The following PLAAT5 variants were observed in gnomAD, a reference collection of about 807,000 sequenced individuals.
The protein encoded by PLAAT5 is Ca(2+)-independent N-acyltransferase.
Under a neutral mutation model 27.8 loss-of-function variants are expected in PLAAT5, and 27 were observed. The observed-to-expected ratio is 0.97, with a 90% CI of 0.72 to 1.34. The LOEUF is 1.34. Among genes scored for constraint, PLAAT5 ranks in the 40% most tolerant of loss-of-function variants. PLAAT5 has a pLI of 0.00. For missense variants in PLAAT5, 368 were observed against 343.8 expected (o/e 1.07, Z -0.56); for synonymous variants, 125 against 136.1 (o/e 0.92, Z 0.57).
chr11:63,486,539 C>A (rs1383699980), intron 3 of PLAAT5, among the ~76,000 whole-genome samples: 1 of 152,080 alleles, frequency 6.6e-6, no homozygotes, highest in Non-Finnish European at 1.5e-5. Flanking sequence ...GACCATTATT[C>A]TAAGTGAAGT....
At chr11:63,471,671 A>G (rs1227141391) in intron 3 of PLAAT5, among the ~76,000 whole-genome samples, 7 of 152,256 alleles carry the variant, frequency 4.6e-5, no homozygotes, top group African/African-American at 1.7e-4. Context: ...ATTCTTCTAC[A>G]TGACAGTGAG....
rs34908747 is a variant in PLAAT5, at chr11:63,490,348, G to A, written c.149-15C>T. 341 of 1,614,100 alleles carry A rather than the reference G, an allele frequency of 2.1e-4. 2 individuals are homozygous for A. In the African/African-American group the frequency reaches 4.1e-3, roughly 19 times the overall value. The stretch of plus-strand genomic sequence containing the variant: ...CACGGATTCTTCTAATTCAAGGGGG[G>A]AAATGCTATTTAGACCTGTGAAAGG... On this transcript the variant is annotated splice_polypyrimidine_tract_variant and intron_variant, in intron 1 of 5. Transcript: ENST00000540857.
At chr11:63,472,185 C>T (rs1030689591) in intron 3 of PLAAT5, among the ~76,000 whole-genome samples, 8 of 151,980 alleles carry the variant, frequency 5.3e-5, no homozygotes, top group African/African-American at 1.7e-4. Context: ...TGCACACATA[C>T]CCCAGAACTT....
intron 4 of PLAAT5, among the ~76,000 whole-genome samples, chr11:63,467,764 A>G (rs1363685994): frequency 6.6e-6 from 1 of 152,122 alleles, no homozygotes; most frequent in African/African-American, 2.4e-5. Flanking sequence ...CTCTACTATC[A>G]TCACCTCCTC....
rs1329685254 is a variant in PLAAT5, at chr11:63,462,838, G to A, written c.*665C>T. On this transcript the variant is annotated 3_prime_UTR_variant, in exon 6 of 6. Coordinates refer to ENST00000540857, the MANE Select transcript of PLAAT5 (RefSeq NM_001146729.2). ...AAACTTCACATTTTAGGGTAATTAT[G>A]AGGTACAAAAGCAAGATAAATTGTC... 6.6e-6 allele frequency: 1 copy of A among 152,166 alleles called. No homozygotes were observed. Among genetic ancestry groups the A allele is most frequent in the Non-Finnish European group, 1.5e-5 (1 of 68,038 alleles). The allele number at this position is 152,166 out of a possible 1,614,324, so 9.4% of individuals were successfully genotyped here.
rs1289699335 is a variant in PLAAT5 at position 63,488,860 on chromosome 11, G to A, written c.345+11C>T. ...AAAGATAGTCACTTTGAGAATTCTT[G>A]TTACACCTACCTCAGCTGCTTGCTT... On this transcript the variant is annotated intron_variant, in intron 3 of 5. Coordinates refer to ENST00000540857, the MANE Select transcript of PLAAT5 (RefSeq NM_001146729.2). 3 of 1,581,978 alleles carry A rather than the reference G, an allele frequency of 1.9e-6. No homozygotes were observed. The highest frequency in any genetic ancestry group is 3.3e-5 in the Admixed American group (2 of 59,788).
chr11:63,469,102 T>TTG (rs2015943856), intron 3 of PLAAT5, among the ~76,000 whole-genome samples: 1 of 111,814 alleles, frequency 8.9e-6, no homozygotes, highest in African/African-American at 4.1e-5. Flanking sequence ...TTCTCTATTA[T>TTG]CGTGTGTGTG....
Position 63,470,207 on chromosome 11 carries a change from C to T in PLAAT5, c.346-1742G>A, listed in dbSNP as rs548545411. On this transcript the variant is annotated intron_variant, in intron 3 of 5. Coordinates refer to ENST00000540857, the MANE Select transcript of PLAAT5 (RefSeq NM_001146729.2). ...GTGAATAATGTGGCAAAGCCTTTAA[C>T]TGGTCTTCAAACCTTAATGAACATA... 3.1e-5 allele frequency: 5 copies of T among 159,282 alleles called. No individual in the cohort carries two copies. The East Asian group carries it at 9.7e-4, about 31-fold the overall frequency. 9.9% of individuals were successfully genotyped at this position (159,282 alleles called of 1,614,324 possible).
chr11:63,487,724 A>C (rs1472766236), intron 3 of PLAAT5, among the ~76,000 whole-genome samples: 1 of 152,256 alleles, frequency 6.6e-6, no homozygotes, highest in Non-Finnish European at 1.5e-5. Flanking sequence ...AAAAACTAGT[A>C]ACAACTCAAA....
At position 63,462,990 on chromosome 11, in the gene PLAAT5, G is replaced by A. The variant is rs867910156; in HGVS notation, c.*513C>T. On this transcript the variant is annotated 3_prime_UTR_variant, in exon 6 of 6. Transcript: ENST00000540857. ...TAAGGTACCATGGGCCCTGAATAAC[G>A]AATCTCAGTTTTTCTTAAGGTCCTC... The A allele has an allele frequency of 6.6e-6, 1 of 152,400 alleles. No individual in the cohort carries two copies. Among genetic ancestry groups the A allele is most frequent in the Non-Finnish European group, 1.5e-5 (1 of 68,284 alleles). The allele number at this position is 152,400 out of a possible 1,614,324, so 9.4% of individuals were successfully genotyped here.
chr11:63,464,734 T>G (rs915454578), intron 5 of PLAAT5, among the ~76,000 whole-genome samples: 2 of 152,212 alleles, frequency 1.3e-5, no homozygotes, highest in African/African-American at 4.8e-5. Flanking sequence ...CCTATTAACA[T>G]GAATAGCCCA....
At chr11:63,488,807 C>A in intron 3 of PLAAT5, 64 bp downstream of exon 3, 5 of 1,097,204 alleles carry the variant, frequency 4.6e-6, no homozygotes, top group Non-Finnish European at 1.4e-6. Context: ...AAGTAAAATA[C>A]AATATGTAGA....
At chr11:63,483,827 A>ATGTATATATATATACACATATATATATG (rs1385345810) in intron 3 of PLAAT5, among the ~76,000 whole-genome samples, 1 of 109,796 alleles carries the variant, frequency 9.1e-6, no homozygotes, top group African/African-American at 3.4e-5. Flanking sequence ...ATATATATAT[A>ATGTATATATATATACACATATATATATG]TATATATATA....
At chr11:63,465,682 C>G (rs931539317) in intron 5 of PLAAT5, among the ~76,000 whole-genome samples, 1 of 151,958 alleles carries the variant, frequency 6.6e-6, no homozygotes, top group Non-Finnish European at 1.5e-5. Flanking sequence ...CCCAGCTATT[C>G]AGGAGGCTAA....
At chr11:63,465,884 G>T (rs1294571585) in intron 5 of PLAAT5, among the ~76,000 whole-genome samples, 2 of 152,116 alleles carry the variant, frequency 1.3e-5, no homozygotes, top group Non-Finnish European at 2.9e-5. Context: ...TTGAGCTGGG[G>T]CTCCAATCGC....
chr11:63,485,094 G>T (rs964576240), intron 3 of PLAAT5, among the ~76,000 whole-genome samples: 8 of 150,934 alleles, frequency 5.3e-5, no homozygotes, highest in African/African-American at 1.9e-4. Context: ...AGACATGAAA[G>T]ATCTCTACAA....
chr11:63,464,682 A>C (rs2015810761), intron 5 of PLAAT5, among the ~76,000 whole-genome samples: 1 of 152,116 alleles, frequency 6.6e-6, no homozygotes, highest in African/African-American at 2.4e-5. Flanking sequence ...AGTGATAATA[A>C]ATGCTTTCTC....
In PLAAT5 at chr11:63,488,946, T is replaced by C. The variant is rs577914574; in HGVS notation, c.270A>G (p.Thr90=). 2.5e-6 allele frequency: 4 copies of C among 1,613,600 alleles called. No homozygotes were observed. Among genetic ancestry groups the C allele is most frequent in the Admixed American group, 3.3e-5 (2 of 60,000 alleles). Residue 90 remains threonine, a synonymous_variant, in exon 3 of 6, where the codon ACA becomes ACG. Transcript: ENST00000540857. ...GEKAVVSLET[T]PSQKADWSSI... Reference sequence around the variant, plus strand: ...AACTCCAGTCTGCTTTCTGGCTGGGTGTGGTCTCCAAGCTAACTACAGCCT... The same window carrying C: ...AACTCCAGTCTGCTTTCTGGCTGGGCGTGGTCTCCAAGCTAACTACAGCCT...
chr11:63,469,145 T>TGTGTGTGAGA (rs377110717), intron 3 of PLAAT5, among the ~76,000 whole-genome samples: 157 of 122,788 alleles, frequency 1.3e-3, no homozygotes, highest in African/African-American at 4.4e-3. Context: ...TGTGTGTGTG[T>TGTGTGTGAGA]GAGAGAGAGA....
Sources: allele counts gnomAD v4.1 joint callset (sites outside exome capture counted in the v4.1 genomes callset), GRCh38; gene constraint gnomAD v4.1.1; transcripts MANE v1.5; gene names NCBI Gene and HGNC (gene_info 2026-07-23, HGNC 2026-07-21).